The following VPS13B variants were observed in gnomAD, a reference collection of about 807,000 sequenced individuals.
VPS13B encodes the protein vacuolar protein sorting 13 homolog B.
Under a neutral mutation model 426.4 loss-of-function variants are expected in VPS13B, and 285 were observed. That is an observed-to-expected ratio of 0.67 (90% CI 0.61 to 0.74). VPS13B has a LOEUF of 0.74. Among genes scored for constraint, VPS13B ranks in the 30% least tolerant of loss-of-function variants. The probability of loss-of-function intolerance (pLI) is 0.00; values close to 1 mark genes in which losing one functional copy is unlikely to be tolerated. For synonymous variants in VPS13B, 1,676 were observed against 1,676.4 expected, an observed-to-expected ratio of 1.00 and a Z score of 0.01; for missense variants, 4,537 against 4,782.6, an observed-to-expected ratio of 0.95 and a Z score of 1.51.
At chr8:99,518,679 T>G (rs1198404162) in intron 29 of VPS13B, among the ~76,000 whole-genome samples, 1 of 152,238 alleles carries the variant, frequency 6.6e-6, no homozygotes, top group African/African-American at 2.4e-5. Context: ...TTTCTGATTT[T>G]CTTAATTCTG....
chr8:99,286,591 T>C (rs1819455648), intron 19 of VPS13B, among the ~76,000 whole-genome samples: 1 of 152,200 alleles, frequency 6.6e-6, no homozygotes, highest in Non-Finnish European at 1.5e-5. Context: ...TTTGCATTGC[T>C]ATCAGTTATC....
At chr8:99,516,057 T>C (rs1184450778) in intron 29 of VPS13B, among the ~76,000 whole-genome samples, 4 of 152,190 alleles carry the variant, frequency 2.6e-5, no homozygotes, top group African/African-American at 9.7e-5. Flanking sequence ...TGAGGTGTTA[T>C]AAATAGCCAG....
chr8:99,117,294 A>T (rs1045591089), intron 7 of VPS13B, among the ~76,000 whole-genome samples: 1 of 152,186 alleles, frequency 6.6e-6, no homozygotes, highest in African/African-American at 2.4e-5. Context: ...ATACAAAATA[A>T]CAGGTATTGG....
At chr8:99,797,266 G>A (rs1460887299) in intron 43 of VPS13B, 1 of 151,570 alleles carries the variant, frequency 6.6e-6, no homozygotes, top group South Asian at 2.1e-4. Flanking sequence ...TTGAGACAGA[G>A]TTTTGCTCTG....
chr8:99,770,565 A>G (rs1479434180), intron 40 of VPS13B, among the ~76,000 whole-genome samples: 1 of 152,170 alleles, frequency 6.6e-6, no homozygotes, highest in Non-Finnish European at 1.5e-5. Context: ...AGGCCAAAAG[A>G]AGCCAGGTGA....
intron 23 of VPS13B, among the ~76,000 whole-genome samples, chr8:99,443,710 A>G: frequency 6.6e-6 from 1 of 152,120 alleles, no homozygotes; most frequent in East Asian, 1.9e-4. Flanking sequence ...TTTTTGATTC[A>G]TTCATCAGTT....
chr8:99,181,425 A>G (rs1174033477), intron 16 of VPS13B, among the ~76,000 whole-genome samples: 2 of 152,198 alleles, frequency 1.3e-5, no homozygotes, highest in Non-Finnish European at 2.9e-5. Flanking sequence ...GGTTAGGAGC[A>G]TGGACCTCAG....
chr8:99,856,981 C>T (rs1263962253), intron 56 of VPS13B, among the ~76,000 whole-genome samples: 1 of 152,222 alleles, frequency 6.6e-6, no homozygotes, highest in Admixed American at 6.5e-5. Flanking sequence ...TATCCTGAGG[C>T]CCCTCTCTAA....
chr8:99,809,284 G>A, intron 43 of VPS13B, 91 bp from the exon 44 acceptor site: 1 of 1,528,122 alleles, frequency 6.5e-7, no homozygotes, highest in African/African-American at 1.4e-5. Context: ...TATTACAAAT[G>A]GAAAGGTTTT....
At chr8:99,509,245 G>T (rs948989724) in intron 28 of VPS13B, among the ~76,000 whole-genome samples, 1 of 152,022 alleles carries the variant, frequency 6.6e-6, no homozygotes, top group Non-Finnish European at 1.5e-5. Context: ...CACTTTTCTT[G>T]CTTTACTATA....
At chr8:99,748,808 C>T (rs1810250523) in intron 39 of VPS13B, among the ~76,000 whole-genome samples, 1 of 151,896 alleles carries the variant, frequency 6.6e-6, no homozygotes, top group Non-Finnish European at 1.5e-5. Context: ...TCCTATTAAA[C>T]TATTATGATG....
chr8:99,638,007 G>C (rs1829138987), intron 33 of VPS13B, among the ~76,000 whole-genome samples: 1 of 152,018 alleles, frequency 6.6e-6, no homozygotes, highest in South Asian at 2.1e-4. Flanking sequence ...TTAAGTACTT[G>C]ATTTCATCAC....
At chr8:99,643,781 A>C (rs534948245) in intron 34 of VPS13B, among the ~76,000 whole-genome samples, 1 of 152,214 alleles carries the variant, frequency 6.6e-6, no homozygotes, top group East Asian at 1.9e-4. Flanking sequence ...CATTTGTTAA[A>C]CCCTTACCAG....
At chr8:99,557,458 T>G (rs1267215274) in intron 31 of VPS13B, among the ~76,000 whole-genome samples, 1 of 152,170 alleles carries the variant, frequency 6.6e-6, no homozygotes, top group African/African-American at 2.4e-5. Flanking sequence ...TCTAAGTTGC[T>G]GCAAAAGACA....
chr8:99,505,735 A>G (rs556341462), intron 27 of VPS13B, among the ~76,000 whole-genome samples: 1 of 152,310 alleles, frequency 6.6e-6, no homozygotes, highest in East Asian at 1.9e-4. Flanking sequence ...TTGTTGGAAA[A>G]AACGCTGCTG....
intron 8 of VPS13B, among the ~76,000 whole-genome samples, chr8:99,123,122 C>CAAAA (rs71273164): frequency 3.4e-4 from 21 of 61,382 alleles, no homozygotes; most frequent in African/African-American, 4.4e-4. Context: ...ACTCTGTCTC[C>CAAAA]AAAAAAAAAA....
At chr8:99,070,174 A>G (rs753588019) in intron 3 of VPS13B, among the ~76,000 whole-genome samples, 30 of 152,208 alleles carry the variant, frequency 2.0e-4, no homozygotes, top group Non-Finnish European at 3.5e-4. Context: ...TTAGCCTCCC[A>G]AAGTGCTGGG....
chr8:99,678,389 C>T (rs1024664979), intron 35 of VPS13B, among the ~76,000 whole-genome samples: 9 of 152,064 alleles, frequency 5.9e-5, no homozygotes, highest in African/African-American at 2.2e-4. Context: ...CTCTTATTTA[C>T]TCAATAATGC....
intron 41 of VPS13B, among the ~76,000 whole-genome samples, chr8:99,777,737 G>A (rs1222077313): frequency 1.3e-5 from 2 of 152,116 alleles, no homozygotes; most frequent in Non-Finnish European, 2.9e-5. Context: ...ATTTAAAGGG[G>A]TATCATTTTT....
Sources: gnomAD v4.1 joint callset for allele counts (sites outside exome capture counted in the v4.1 genomes callset) on GRCh38, gnomAD v4.1.1 for gene constraint, MANE v1.5 for transcripts, NCBI Gene and HGNC (gene_info 2026-07-23, HGNC 2026-07-21) for gene names.